Variants in PCDHA1 observed in about 807,000 individuals in gnomAD.
The protein encoded by PCDHA1 is protocadherin alpha-1.
Under a neutral mutation model 61.3 loss-of-function variants are expected in PCDHA1, and 42 were observed. That is an observed-to-expected ratio of 0.69 (90% CI 0.54 to 0.89). The LOEUF is 0.89. Among genes scored for constraint, PCDHA1 ranks in the 40% least tolerant of loss-of-function variants. The probability of loss-of-function intolerance (pLI) is 0.00; values close to 1 mark genes in which losing one functional copy is unlikely to be tolerated. For missense variants in PCDHA1, 1,256 were observed against 1,235.3 expected, an observed-to-expected ratio of 1.02 and a Z score of -0.25; for synonymous variants, 610 against 553.8, an observed-to-expected ratio of 1.10 and a Z score of -1.43.
At chr5:140,802,199 C>T in intron 1 of PCDHA1, 1 of 1,614,220 alleles carries the variant, frequency 6.2e-7, no homozygotes, top group Non-Finnish European at 8.5e-7. Flanking sequence ...CAGATCACTG[C>T]ACAGTTCTAC....
At position 140,796,572 on chromosome 5, in the gene PCDHA1, C is replaced by G. The variant is rs573477679; in HGVS notation, c.2394+7888C>G. ...TGGAGCTGCTGCAGTTCCAGGTGAG[C>G]GCGCGGGATGCGGGCGTGCCGCCTC... On this transcript the variant is annotated intron_variant, in intron 1 of 3. Coordinates refer to ENST00000504120, the MANE Select transcript of PCDHA1 (RefSeq NM_018900.4). 3.1e-6 allele frequency: 5 copies of G among 1,613,178 alleles called. No individual in the cohort carries two copies. In the Admixed American group the frequency reaches 5.0e-5, roughly 16 times the overall value.
At chr5:140,811,593 T>A (rs1204851199) in intron 1 of PCDHA1, 3 of 152,262 alleles carry the variant, frequency 2.0e-5, no homozygotes, top group African/African-American at 7.2e-5. Context: ...CCACAATGGT[T>A]GAACTAGTTT....
intron 1 of PCDHA1, chr5:140,828,730 A>G (rs2150158327): frequency 1.2e-6 from 2 of 1,614,250 alleles, no homozygotes; most frequent in Non-Finnish European, 1.7e-6. Context: ...TATTCCTGAC[A>G]GCCACAGATG....
intron 1 of PCDHA1, among the ~76,000 whole-genome samples, chr5:140,906,640 G>A (rs1465278194): frequency 6.6e-6 from 1 of 152,210 alleles, no homozygotes; most frequent in African/African-American, 2.4e-5. Context: ...ACCTCAGCAG[G>A]TAGTGGTTTT....
intron 1 of PCDHA1, chr5:140,843,100 G>C: frequency 6.3e-7 from 1 of 1,595,760 alleles, no homozygotes; most frequent in East Asian, 2.2e-5. Flanking sequence ...TGGTAGCGAA[G>C]GTGCGCGCAG....
intron 1 of PCDHA1, chr5:140,801,474 G>C: frequency 6.2e-7 from 1 of 1,614,096 alleles, no homozygotes; most frequent in East Asian, 2.2e-5. Flanking sequence ...GATAGACCGC[G>C]AGGAACTGTG....
chr5:140,882,720 G>T, intron 1 of PCDHA1: 2 of 1,614,198 alleles, frequency 1.2e-6, no homozygotes, highest in Non-Finnish European at 1.7e-6. Context: ...CCGGAAACTC[G>T]ATTTCCACTA....
intron 1 of PCDHA1, among the ~76,000 whole-genome samples, chr5:140,940,929 A>G (rs2092704989): frequency 1.3e-5 from 2 of 152,230 alleles, no homozygotes; most frequent in Non-Finnish European, 2.9e-5. Flanking sequence ...CTCCTTGGCT[A>G]CTTAGACTAC....
At chr5:140,828,347 G>A (rs2150154250) in intron 1 of PCDHA1, 1 of 1,614,256 alleles carries the variant, frequency 6.2e-7, no homozygotes, top group South Asian at 1.1e-5. Flanking sequence ...CATTTTGTTT[G>A]TGAATTCTCG....
At chr5:140,848,653 GGCTGGA>G (rs2150416251) in intron 1 of PCDHA1, 2 of 1,592,726 alleles carry the variant, frequency 1.3e-6, no homozygotes, top group Non-Finnish European at 1.7e-6. Context: ...CAGGACCTGG[GGCTGGA>G]GCTGGCGGAG....
chr5:140,799,520 CT>C (rs142787451), intron 1 of PCDHA1, among the ~76,000 whole-genome samples: 1,736 of 152,048 alleles, frequency 0.011, 36 homozygotes, highest in African/African-American at 0.04. Flanking sequence ...TAAATGTTTA[CT>C]TACTTCTTCA....
intron 1 of PCDHA1, among the ~76,000 whole-genome samples, chr5:140,792,655 A>G (rs1267654207): frequency 1.3e-5 from 2 of 152,234 alleles, no homozygotes; most frequent in Non-Finnish European, 2.9e-5. Context: ...AATATCCGGT[A>G]TAATTAATTA....
At chr5:140,809,182 G>T (rs1369290140) in intron 1 of PCDHA1, 1 of 1,614,050 alleles carries the variant, frequency 6.2e-7, no homozygotes, top group Non-Finnish European at 8.5e-7. Context: ...CGGCCACTGT[G>T]CTGGTGTCAC....
At chr5:140,863,300 C>G (rs1554158081) in intron 1 of PCDHA1, 16 of 1,463,970 alleles carry the variant, frequency 1.1e-5, no homozygotes, top group Non-Finnish European at 1.5e-5. Context: ...CTGATCATCG[C>G]CATCTGCGTG....
chr5:140,868,681 TATA>T (rs1235223560), intron 1 of PCDHA1: 45 of 172,206 alleles, frequency 2.6e-4, no homozygotes, highest in African/African-American at 1.0e-3. Context: ...AGAACAATGT[TATA>T]ATGTTAAGTC....
chr5:140,841,682 G>A (rs2150320729), intron 1 of PCDHA1: 3 of 1,613,962 alleles, frequency 1.9e-6, no homozygotes, highest in East Asian at 2.2e-5. Flanking sequence ...CCATGTGGAC[G>A]TGGAGGTGAA....
chr5:140,857,873 G>C, intron 1 of PCDHA1: 1 of 1,597,876 alleles, frequency 6.3e-7, no homozygotes, highest in Non-Finnish European at 8.6e-7. Flanking sequence ...GCTGTCGTAT[G>C]AATTGCAGTC....
chr5:140,807,100 A>T, intron 1 of PCDHA1: 1 of 1,409,032 alleles, frequency 7.1e-7, no homozygotes, highest in Non-Finnish European at 9.7e-7. Flanking sequence ...AATATGGAGG[A>T]TGCAGCTGCA....
intron 1 of PCDHA1, chr5:140,824,151 C>T (rs1554129761): frequency 6.2e-7 from 1 of 1,611,532 alleles, no homozygotes; most frequent in Admixed American, 1.7e-5. Context: ...TATTAACATC[C>T]ATCTTTCCCT....
Sources: allele counts gnomAD v4.1 joint callset (sites outside exome capture counted in the v4.1 genomes callset), GRCh38; gene constraint gnomAD v4.1.1; transcripts MANE v1.5; gene names NCBI Gene and HGNC (gene_info 2026-07-23, HGNC 2026-07-21).